Variants in SRRM4 observed in about 807,000 individuals in gnomAD.
SRRM4 encodes serine/arginine repetitive matrix 4.
A neutral mutation model predicts 68.9 loss-of-function variants in SRRM4; 33 were observed. The ratio of observed to expected loss-of-function variants is 0.48; its 90% confidence interval spans 0.36 to 0.64. The LOEUF is 0.64. SRRM4 is among the 30% of genes least tolerant of loss of function. The pLI is 0.00. For synonymous variants in SRRM4, 318 were observed against 318.8 expected, an observed-to-expected ratio of 1.00 and a Z score of 0.03; for missense variants, 817 against 827.1, an observed-to-expected ratio of 0.99 and a Z score of 0.15.
At chr12:119,081,348 A>G (rs945825166) in intron 1 of SRRM4, among the ~76,000 whole-genome samples, 4 of 152,210 alleles carry the variant, frequency 2.6e-5, no homozygotes, top group African/African-American at 9.7e-5. Context: ...ATATTTGAGC[A>G]AAGACTTGAA....
At chr12:119,100,895 G>A (rs73213719) in intron 1 of SRRM4, among the ~76,000 whole-genome samples, 12,015 of 152,242 alleles carry the variant, frequency 0.079, 530 homozygotes, top group African/African-American at 0.1. Flanking sequence ...AGTTGGCAGT[G>A]AGAAGGGCTG....
chr12:119,129,806 T>G (rs1954282391), intron 7 of SRRM4, among the ~76,000 whole-genome samples: 1 of 152,180 alleles, frequency 6.6e-6, no homozygotes, highest in Admixed American at 6.5e-5. Flanking sequence ...GATTGTTGGT[T>G]AGGTAGATGG....
At chr12:119,083,939 G>A (rs760338591) in intron 1 of SRRM4, among the ~76,000 whole-genome samples, 23 of 152,206 alleles carry the variant, frequency 1.5e-4, no homozygotes, top group Non-Finnish European at 3.1e-4. Context: ...CAGACAAGAC[G>A]TAGAATTTGG....
chr12:119,101,457 G>C (rs1480665662), intron 1 of SRRM4, among the ~76,000 whole-genome samples: 2 of 152,084 alleles, frequency 1.3e-5, no homozygotes, highest in Non-Finnish European at 2.9e-5. Flanking sequence ...TTCCAAGTGG[G>C]TGGCTCATAC....
chr12:119,050,299 T>C (rs1275876575), intron 1 of SRRM4, among the ~76,000 whole-genome samples: 1 of 152,260 alleles, frequency 6.6e-6, no homozygotes, highest in Non-Finnish European at 1.5e-5. Flanking sequence ...GGATCTGTTC[T>C]GGATTTGTTT....
chr12:119,051,942 A>G (rs540868873), intron 1 of SRRM4, among the ~76,000 whole-genome samples: 24 of 152,344 alleles, frequency 1.6e-4, no homozygotes, highest in Admixed American at 5.2e-4. Context: ...ACCATGGGCA[A>G]GTTTTGGTAT....
rs1395853827 is a variant in SRRM4, at chr12:119,030,429, CAG to C, written c.131+48421_131+48422del. 2.0e-5 allele frequency among the ~76,000 whole-genome samples: 3 copies of C among 152,240 alleles called. No individual in the cohort carries two copies. In the East Asian group the frequency reaches 5.8e-4, roughly 29 times the overall value. ...GAGCAACAAGGGACAGTGTTCTAAA[CAG>C]AGAGTTTAGTTCTGGCTTAGGAATT... is the stretch of plus-strand genomic sequence containing the variant. On this transcript the variant is annotated intron_variant, in intron 1 of 12. Transcript: ENST00000267260.
intron 6 of SRRM4, 103 bp downstream of exon 6, chr12:119,122,223 G>A (rs1482324428): frequency 1.4e-6 from 1 of 705,020 alleles, no homozygotes; most frequent in African/African-American, 1.8e-5. Context: ...CAGGGAAAGG[G>A]AGGAGAAGGT....
intron 1 of SRRM4, among the ~76,000 whole-genome samples, chr12:119,019,746 T>G (rs1192686581): frequency 6.6e-6 from 1 of 152,152 alleles, no homozygotes; most frequent in Non-Finnish European, 1.5e-5. Context: ...TCCCCTTTCC[T>G]GCTATTTTAT....
chr12:119,125,469 T>C lies in SRRM4; in HGVS notation c.604T>C (p.Cys202Arg). 6.3e-7 allele frequency: 1 copy of C among 1,597,106 alleles called. No individual in the cohort carries two copies. Among genetic ancestry groups the C allele is most frequent in the South Asian group, 1.1e-5 (1 of 89,918 alleles). ...SQSSESRPSSCESRHRGRSPE... is the reference protein window; with the variant it reads ...SQSSESRPSSRESRHRGRSPE... ...GAGCTCGGAGTCCCGCCCCTCAAGC[T>C]GTGAGAGCAGGTAACCCCTTGCCCC... Residue 202 changes from cysteine (C) to arginine (R), a missense_variant, in exon 7 of 13, where the codon TGT (cysteine) becomes CGT (arginine). Coordinates refer to ENST00000267260, the MANE Select transcript of SRRM4 (RefSeq NM_194286.4).
chr12:118,982,477 T>C, intron 1 of SRRM4, among the ~76,000 whole-genome samples: 1 of 152,016 alleles, frequency 6.6e-6, no homozygotes, highest in South Asian at 2.1e-4. Context: ...GCTTTGAACA[T>C]TTTTGACAAA....
intron 1 of SRRM4, among the ~76,000 whole-genome samples, chr12:119,058,712 G>T (rs1953792301): frequency 6.6e-6 from 1 of 152,066 alleles, no homozygotes; most frequent in African/African-American, 2.4e-5. Context: ...TTCCTAGAGT[G>T]GAGACAAGCC....
chr12:119,089,407 C>T (rs762673625), intron 1 of SRRM4, among the ~76,000 whole-genome samples: 2 of 152,216 alleles, frequency 1.3e-5, no homozygotes, highest in Admixed American at 6.5e-5. Context: ...CTATCAACTC[C>T]TTATTCAGAA....
chr12:119,151,132 A>C lies in SRRM4; in HGVS notation c.1192A>C (p.Thr398Pro). The part of the protein sequence containing the change: ...GCSRSSSYAS[T>P]RSSSHSSRSP... The stretch of plus-strand genomic sequence containing the variant: ...TTCCCGCAGCTCCTCCTATGCCAGC[A>C]CCCGATCCTCCAGTCACTCGTCCCG... Residue 398 changes from threonine to proline, a missense_variant, in exon 10 of 13, where the codon ACC becomes CCC. Thr to Pro is a conservative substitution (Grantham distance 38). Coordinates refer to ENST00000267260, the MANE Select transcript of SRRM4 (RefSeq NM_194286.4). 4 of 1,613,884 alleles carry C rather than the reference A, an allele frequency of 2.5e-6. No homozygotes were observed. Among genetic ancestry groups the C allele is most frequent in the Non-Finnish European group, 2.5e-6 (3 of 1,179,866 alleles).
chr12:118,984,047 T>C (rs946566616), intron 1 of SRRM4, among the ~76,000 whole-genome samples: 4 of 152,052 alleles, frequency 2.6e-5, no homozygotes, highest in African/African-American at 9.7e-5. Context: ...AATACTTCTG[T>C]AATAGGCGTG....
chr12:119,120,380 T>A (rs1954211819), intron 5 of SRRM4, 104 bp downstream of exon 5: 2 of 1,229,058 alleles, frequency 1.6e-6, no homozygotes, highest in Non-Finnish European at 2.3e-6. Context: ...CTCTTAGGCA[T>A]GACCCCTTCA....
intron 1 of SRRM4, among the ~76,000 whole-genome samples, chr12:119,085,549 G>A (rs1366576128): frequency 6.6e-6 from 1 of 152,224 alleles, no homozygotes; most frequent in Non-Finnish European, 1.5e-5. Context: ...AGAAGCAGCT[G>A]AGAATGACAA....
At chr12:119,128,044 T>C (rs1231944139) in intron 7 of SRRM4, among the ~76,000 whole-genome samples, 1 of 152,074 alleles carries the variant, frequency 6.6e-6, no homozygotes, top group African/African-American at 2.4e-5. Flanking sequence ...GATTTTTAAA[T>C]CCCCCCAGGT....
At chr12:119,151,354 G>C (rs1954438270) in intron 10 of SRRM4, 134 bp downstream of exon 10, 1 of 793,880 alleles carries the variant, frequency 1.3e-6, no homozygotes, top group African/African-American at 1.7e-5. Flanking sequence ...CCCATTTCGA[G>C]CTGGTGGCCT....
Sources: gnomAD v4.1 joint callset for allele counts (sites outside exome capture counted in the v4.1 genomes callset) on GRCh38, gnomAD v4.1.1 for gene constraint, MANE v1.5 for transcripts, NCBI Gene and HGNC (gene_info 2026-07-23, HGNC 2026-07-21) for gene names.